The following DAB1 variants were observed in gnomAD, a reference collection of about 807,000 sequenced individuals.
DAB1 encodes disabled homolog 1.
A neutral mutation model predicts 64.6 loss-of-function variants in DAB1; 15 were observed. That is an observed-to-expected ratio of 0.23 (90% confidence interval 0.16 to 0.36). DAB1 has a LOEUF of 0.36. Ranked by LOEUF, DAB1 falls within the 10% of genes least tolerant of loss-of-function variation. The pLI is 1.00. For synonymous variants in DAB1, 235 were observed against 251.9 expected, an observed-to-expected ratio of 0.93 and a Z score of 0.64; for missense variants, 596 against 706.7, an observed-to-expected ratio of 0.84 and a Z score of 1.78.
chr1:58,057,303 A>AT (rs1254766958), intron 5 of DAB1, among the ~76,000 whole-genome samples: 1 of 152,126 alleles, frequency 6.6e-6, no homozygotes, highest in Admixed American at 6.5e-5. Flanking sequence ...ACTGGGTTGA[A>AT]TAGCATCCCC....
Position 57,050,234 on chromosome 1 carries a change from A to G in DAB1, c.723+12650T>C, listed in dbSNP as rs190909901. ...TTCTGACTCTATCCTGAATGGATAC[A>G]CTTAGATGATTCCATTAGCTTCTTA... On this transcript the variant is annotated intron_variant, in intron 9 of 14. Transcript: ENST00000371236. 1.3e-3 allele frequency among the ~76,000 whole-genome samples: 192 copies of G among 152,254 alleles called. 1 individual carries two copies. The highest frequency in any genetic ancestry group is 4.4e-3 in the African/African-American group (181 of 41,542).
At chr1:58,331,198 G>A (rs1255840075) in intron 4 of DAB1, among the ~76,000 whole-genome samples, 2 of 152,184 alleles carry the variant, frequency 1.3e-5, no homozygotes, top group East Asian at 3.8e-4. Flanking sequence ...GACTTTAATG[G>A]AGGAAAGAGC....
At chr1:58,163,961 T>G (rs947482951) in intron 4 of DAB1, among the ~76,000 whole-genome samples, 1 of 152,110 alleles carries the variant, frequency 6.6e-6, no homozygotes, top group African/African-American at 2.4e-5. Context: ...TACCCACACA[T>G]AGTTCCAAGA....
chr1:57,058,787 C>T (rs575256834), intron 9 of DAB1, among the ~76,000 whole-genome samples: 2 of 152,266 alleles, frequency 1.3e-5, no homozygotes, highest in South Asian at 2.1e-4. Flanking sequence ...GGATTCAAAC[C>T]CCGGTATCTC....
intron 7 of DAB1, among the ~76,000 whole-genome samples, chr1:57,577,461 T>C (rs935081648): frequency 6.6e-6 from 1 of 152,128 alleles, no homozygotes; most frequent in African/African-American, 2.4e-5. Flanking sequence ...GTTCACAGCC[T>C]TTTAATAATA....
At chr1:57,150,588 T>A in intron 2 of DAB1, among the ~76,000 whole-genome samples, 1 of 152,154 alleles carries the variant, frequency 6.6e-6, no homozygotes, top group Non-Finnish European at 1.5e-5. Flanking sequence ...TATATGACAC[T>A]CACAGCTCTG....
intron 3 of DAB1, among the ~76,000 whole-genome samples, chr1:58,388,341 C>T (rs1198126400): frequency 6.6e-6 from 1 of 152,116 alleles, no homozygotes; most frequent in African/African-American, 2.4e-5. Context: ...CATTTTCAGC[C>T]AATAGATGTT....
chr1:58,450,191 T>C (rs746376385), intron 3 of DAB1, among the ~76,000 whole-genome samples: 2 of 152,150 alleles, frequency 1.3e-5, no homozygotes, highest in Non-Finnish European at 2.9e-5. Context: ...AAGCAAATGA[T>C]AGTGGGTGAA....
chr1:57,405,812 A>G (rs1408336233), intron 1 of DAB1, among the ~76,000 whole-genome samples: 1 of 152,180 alleles, frequency 6.6e-6, no homozygotes, highest in Non-Finnish European at 1.5e-5. Context: ...ATACACACAC[A>G]TCCTTATTTC....
intron 1 of DAB1, among the ~76,000 whole-genome samples, chr1:58,535,353 A>G (rs1054149787): frequency 1.3e-5 from 2 of 152,174 alleles, no homozygotes; most frequent in African/African-American, 4.8e-5. Context: ...CTGTAATCCC[A>G]GCACTTTAGG....
chr1:57,995,293 A>T (rs1176931765), intron 5 of DAB1, among the ~76,000 whole-genome samples: 2 of 152,226 alleles, frequency 1.3e-5, no homozygotes, highest in African/African-American at 2.4e-5. Context: ...ACCAGAATTC[A>T]TAGCAGCTGT....
At chr1:57,023,492 G>T in intron 11 of DAB1, 39 bp downstream of exon 11, 2 of 1,212,770 alleles carry the variant, frequency 1.6e-6, no homozygotes, top group South Asian at 1.3e-5. Flanking sequence ...CTTAATGAGT[G>T]AAGGCCAAAG....
chr1:58,204,025 C>T (rs1658131846), intron 4 of DAB1, among the ~76,000 whole-genome samples: 1 of 152,164 alleles, frequency 6.6e-6, no homozygotes, highest in South Asian at 2.1e-4. Context: ...TCTAACTGAA[C>T]TAAGGACTTA....
intron 4 of DAB1, among the ~76,000 whole-genome samples, chr1:58,291,746 G>A (rs1357147813): frequency 1.3e-5 from 2 of 152,164 alleles, no homozygotes; most frequent in African/African-American, 2.4e-5. Context: ...CTGGCGGGGG[G>A]AGACATAGAG....
intron 6 of DAB1, among the ~76,000 whole-genome samples, chr1:57,767,255 A>C (rs913243208): frequency 1.3e-5 from 2 of 152,096 alleles, no homozygotes; most frequent in Non-Finnish European, 2.9e-5. Context: ...GGCCCACAAG[A>C]GTCAACTCAT....
upstream of DAB1, among the ~76,000 whole-genome samples, chr1:57,426,876 T>TATATACATATATATATA (rs1383757354): frequency 7.4e-6 from 1 of 134,992 alleles, no homozygotes; most frequent in Non-Finnish European, 1.6e-5. Flanking sequence ...ATATATATAT[T>TATATACATATATATATA]TTTTTGAGAC....
At chr1:57,706,227 T>C (rs2101738054) in intron 6 of DAB1, among the ~76,000 whole-genome samples, 1 of 152,134 alleles carries the variant, frequency 6.6e-6, no homozygotes, top group African/African-American at 2.4e-5. Context: ...TATTTACTCT[T>C]CCTTCCTTCT....
At chr1:58,000,089 G>A (rs1646483837) in intron 5 of DAB1, among the ~76,000 whole-genome samples, 1 of 152,046 alleles carries the variant, frequency 6.6e-6, no homozygotes, top group Non-Finnish European at 1.5e-5. Context: ...GGCTGATTTG[G>A]AAACAGTCAG....
intron 12 of DAB1, among the ~76,000 whole-genome samples, chr1:57,011,535 C>A (rs1177091953): frequency 1.3e-5 from 2 of 152,200 alleles, no homozygotes; most frequent in African/African-American, 2.4e-5. Flanking sequence ...CAAGCAGCAG[C>A]AGTAGCATCT....
Sources: allele counts gnomAD v4.1 joint callset (sites outside exome capture counted in the v4.1 genomes callset), GRCh38; gene constraint gnomAD v4.1.1; transcripts MANE v1.5; gene names NCBI Gene and HGNC (gene_info 2026-07-23, HGNC 2026-07-21).